PCID2: variants seen among roughly 807,000 people sequenced by gnomAD.
PCID2 encodes PCI domain-containing protein 2.
PCID2 carries 41 observed loss-of-function variants against 61.3 expected under a neutral mutation model. That is an observed-to-expected ratio of 0.67 (90% CI 0.52 to 0.87). The LOEUF (loss-of-function observed/expected upper bound fraction) is 0.87. PCID2 is among the 40% of genes least tolerant of loss of function. PCID2 has a pLI of 0.00. For synonymous variants in PCID2, 187 were observed against 177.8 expected (o/e 1.05, Z -0.41); for missense variants, 392 against 493.4 (o/e 0.79, Z 1.95).
At chr13:113,180,827 T>G (rs1245853260) in intron 10 of PCID2, among the ~76,000 whole-genome samples, 1 of 152,240 alleles carries the variant, frequency 6.6e-6, no homozygotes, top group Non-Finnish European at 1.5e-5. Context: ...ACTTAGGTTT[T>G]AAGGGAGGAA....
rs958588505 is a variant in PCID2 at position 113,201,439 on chromosome 13, G to A, written c.37-923C>T. ...ACGTCGGGTGGAGACTAGGAGACCC[G>A]GGAGCCTTTTGCCCTATCTAGCGCC... On this transcript the variant is annotated intron_variant, in intron 1 of 13. Transcript: ENST00000337344. Among the ~76,000 whole-genome samples, 33 of 152,192 alleles carry A rather than the reference G, an allele frequency of 2.2e-4. 1 individual carries two copies. In the East Asian group the frequency reaches 2.9e-3, roughly 13 times the overall value.
intron 2 of PCID2, 69 bp downstream of exon 2, chr13:113,200,358 G>A (rs568320580): frequency 1.3e-4 from 116 of 883,770 alleles, no homozygotes; most frequent in South Asian, 9.4e-4. Context: ...CAAACTCTAC[G>A]CTTCTCTTAG....
chr13:113,196,075 T>C, intron 5 of PCID2, 106 bp downstream of exon 5: 1 of 802,252 alleles, frequency 1.2e-6, no homozygotes, highest in Non-Finnish European at 2.2e-6. Flanking sequence ...GATTACCAAA[T>C]ATCCACATGG....
intron 9 of PCID2, chr13:113,183,986 AT>A: frequency 3.0e-6 from 3 of 985,420 alleles, no homozygotes; most frequent in Non-Finnish European, 3.6e-6. Flanking sequence ...GCTGAACTAA[AT>A]GTTGTCCTAA....
chr13:113,202,913 T>C (rs1049462748), intron 1 of PCID2, among the ~76,000 whole-genome samples: 2 of 152,132 alleles, frequency 1.3e-5, no homozygotes, highest in Non-Finnish European at 2.9e-5. Flanking sequence ...AATACATACC[T>C]ATATGAGTAA....
chr13:113,193,685 A>C (rs2038787771), intron 6 of PCID2, among the ~76,000 whole-genome samples: 1 of 152,228 alleles, frequency 6.6e-6, no homozygotes, highest in Non-Finnish European at 1.5e-5. Flanking sequence ...AGATATAACA[A>C]AAATAAAAGC....
chr13:113,179,160 C>A lies in PCID2; in HGVS notation c.987-71G>T. On this transcript the variant is annotated intron_variant, in intron 12 of 13. Transcript: ENST00000337344. This position sits in a 1 kb window ranked among gnomAD's most constrained non-coding sequence, Gnocchi z 4.3. ...AATACTCCACAGCCAAGAAAAGGCA[C>A]CTCTTAATAAGCCGGTGTTCTAAAG... 1 of 1,400,028 alleles carries A rather than the reference C, an allele frequency of 7.1e-7. No homozygotes were observed. Among genetic ancestry groups the A allele is most frequent in the Middle Eastern group, 1.9e-4 (1 of 5,332 alleles). The allele number at this position is 1,400,028 out of a possible 1,614,324, so 86.7% of individuals were successfully genotyped here. A position where few individuals can be genotyped will look rare whatever the true frequency, so the allele number is the denominator to read the frequency against.
downstream of PCID2, among the ~76,000 whole-genome samples, chr13:113,176,576 A>G (rs1188659885): frequency 2.6e-4 from 1 of 3,858 alleles, no homozygotes. Context: ...AGCCTGTGCA[A>G]TATTAGCAAG....
At chr13:113,196,684 G>A (rs532487562) in intron 4 of PCID2, among the ~76,000 whole-genome samples, 35 of 152,280 alleles carry the variant, frequency 2.3e-4, no homozygotes, top group African/African-American at 7.9e-4. Flanking sequence ...AAAATCTAGA[G>A]ATACATACAA....
intron 1 of PCID2, 126 bp from the exon 2 acceptor site, chr13:113,200,642 C>T: frequency 1.8e-6 from 1 of 567,952 alleles, no homozygotes. Context: ...GAAGACAGAA[C>T]AATCAAAATG....
chr13:113,171,910 C>T, the PCID2 span: 1 of 1,613,786 alleles, frequency 6.2e-7, no homozygotes, highest in Admixed American at 1.7e-5. The surrounding 1 kb of genome is among the most constrained non-coding windows in gnomAD (Gnocchi z 5.1). Flanking sequence ...TGACTGTCAC[C>T]ACCAGGACCT....
the PCID2 span, chr13:113,171,820 T>C: frequency 1.9e-6 from 3 of 1,613,548 alleles, no homozygotes; most frequent in African/African-American, 2.7e-5. The surrounding 1 kb of genome is among the most constrained non-coding windows in gnomAD (Gnocchi z 5.1). Flanking sequence ...GGGCACGCAA[T>C]GGCACTGACC....
Position 113,180,232 on chromosome 13 carries a change from C to T in PCID2, c.787-1G>A. On this transcript the variant is annotated splice_acceptor_variant, in intron 10 of 13. Transcript: ENST00000337344. LOFTEE classifies it high-confidence loss of function. ...GGAGCTCCACAGTGGGCATGTGACC[C>T]TAAGAGTCAATTTTCCAGAATGAAA... is the stretch of plus-strand genomic sequence containing the variant. 1 of 1,609,850 alleles carries T rather than the reference C, an allele frequency of 6.2e-7. No individual in the cohort carries two copies. The highest frequency in any genetic ancestry group is 8.5e-7 in the Non-Finnish European group (1 of 1,176,304).
Position 113,178,086 on chromosome 13 carries a change from CTCCAAGAGT to C in PCID2, c.*103_*111del. The C allele has an allele frequency of 1.5e-6, 1 of 664,020 alleles. No homozygotes were observed. Among genetic ancestry groups the C allele is most frequent in the Non-Finnish European group, 2.6e-6 (1 of 385,026 alleles). The allele number at this position is 664,020 out of a possible 1,614,324, so 41.1% of individuals were successfully genotyped here. On this transcript the variant is annotated 3_prime_UTR_variant, in exon 14 of 14. Coordinates refer to ENST00000337344, the MANE Select transcript of PCID2 (RefSeq NM_001127202.4). ...GCCTCAGCATCCCTGGGAAAAGCGC[CTCCAAGAGT>C]TCCGGCTTCAGGGAGCCTTGTTGCA... is the stretch of plus-strand genomic sequence containing the variant.
At chr13:113,200,783 A>G (rs1014094196) in intron 1 of PCID2, 1 of 292,426 alleles carries the variant, frequency 3.4e-6, no homozygotes, top group African/African-American at 2.4e-5. Flanking sequence ...CGTAAACAAT[A>G]ATTTCATTTC....
chr13:113,189,943 A>C (rs1422466366), intron 7 of PCID2, among the ~76,000 whole-genome samples: 1 of 152,032 alleles, frequency 6.6e-6, no homozygotes, highest in Non-Finnish European at 1.5e-5. Flanking sequence ...GAATGGCTTG[A>C]ACCCAGGAGG....
chr13:113,178,242 C>T lies in PCID2; in HGVS notation c.1156G>A (p.Val386Ile), dbSNP rs2037285351. 2 of 1,613,752 alleles carry T rather than the reference C, an allele frequency of 1.2e-6. No individual in the cohort carries two copies. The highest frequency in any genetic ancestry group is 2.2e-5 in the East Asian group (1 of 44,848). Reference sequence around the variant, plus strand: ...GGAGGAAATGGGTTCTGCTTGCTGACCACCAGCTTCTGATGCTGATGCGAT... The same window carrying T: ...GGAGGAAATGGGTTCTGCTTGCTGATCACCAGCTTCTGATGCTGATGCGAT... ...YISHQHQKLV[V>I]SKQNPFPPLS... The change falls in exon 14 of 14, where the codon GTC becomes ATC. Residue 386 changes from valine to isoleucine, a missense_variant. Physicochemically the swap from Val to Ile is conservative, Grantham distance 29. Coordinates refer to ENST00000337344, the MANE Select transcript of PCID2 (RefSeq NM_001127202.4).
intron 13 of PCID2, 77 bp downstream of exon 13, chr13:113,178,889 C>A: frequency 1.4e-6 from 2 of 1,455,448 alleles, no homozygotes; most frequent in Non-Finnish European, 1.9e-6. Flanking sequence ...ATTTTAACAC[C>A]ACCACACTGA....
chr13:113,194,196 A>G (rs1487666338), intron 6 of PCID2, among the ~76,000 whole-genome samples: 1 of 152,146 alleles, frequency 6.6e-6, no homozygotes, highest in Non-Finnish European at 1.5e-5. Context: ...CACTTTGCAG[A>G]TGGGGTGGGA....
Sources: allele counts gnomAD v4.1 joint callset (sites outside exome capture counted in the v4.1 genomes callset), GRCh38; gene constraint gnomAD v4.1.1; non-coding constraint Gnocchi (gnomAD v3.1); transcripts MANE v1.5; gene names NCBI Gene and HGNC (gene_info 2026-07-23, HGNC 2026-07-21).